RMST: variants seen among roughly 807,000 people sequenced by gnomAD.
The protein encoded by RMST is rhabdomyosarcoma 2 associated transcript.
chr12:97,516,182 A>G (rs1277286351), intron 10 of RMST, among the ~76,000 whole-genome samples: 1 of 151,988 alleles, frequency 6.6e-6, no homozygotes, highest in African/African-American at 2.4e-5. Flanking sequence ...GAAATCCTTT[A>G]TATTATTTTT....
intron 10 of RMST, among the ~76,000 whole-genome samples, chr12:97,507,000 G>A (rs770164664): frequency 2.0e-5 from 3 of 151,992 alleles, no homozygotes; most frequent in South Asian, 2.1e-4. Context: ...CATTCTAAGC[G>A]GAGAAGATAA....
chr12:97,502,032 A>G (rs1483947510), intron 10 of RMST, among the ~76,000 whole-genome samples: 1 of 152,154 alleles, frequency 6.6e-6, no homozygotes, highest in African/African-American at 2.4e-5. Flanking sequence ...AAGAGGTACT[A>G]GATTAGAAGA....
chr12:97,558,723 G>A (rs949050638), intron 11 of RMST, among the ~76,000 whole-genome samples: 1 of 152,044 alleles, frequency 6.6e-6, no homozygotes, highest in Non-Finnish European at 1.5e-5. Flanking sequence ...CACTCTTATA[G>A]TGATGCCTAA....
chr12:97,550,718 C>A (rs1479210457), intron 11 of RMST, among the ~76,000 whole-genome samples: 2 of 152,278 alleles, frequency 1.3e-5, no homozygotes, highest in East Asian at 3.9e-4. Context: ...AATCCCGTGC[C>A]ACTATGCATC....
At chr12:97,471,788 T>TG (rs1873950707) in intron 5 of RMST, among the ~76,000 whole-genome samples, 3 of 152,146 alleles carry the variant, frequency 2.0e-5, no homozygotes, top group Non-Finnish European at 4.4e-5. Flanking sequence ...AACATGCAGT[T>TG]GGAAAGGGAA....
At chr12:97,552,480 T>C (rs997952839) in intron 11 of RMST, among the ~76,000 whole-genome samples, 1 of 152,170 alleles carries the variant, frequency 6.6e-6, no homozygotes, top group Non-Finnish European at 1.5e-5. Flanking sequence ...TCTCCCTTGA[T>C]TGGGAATTGG....
intron 11 of RMST, chr12:97,533,083 T>C (rs1881801478): frequency 6.6e-6 from 1 of 151,876 alleles, no homozygotes; most frequent in South Asian, 2.1e-4. Context: ...AAAAGCATTC[T>C]GGTGGCAGAG....
At chr12:97,541,731 AAAAAG>A (rs1565936133) in intron 11 of RMST, among the ~76,000 whole-genome samples, 10 of 145,120 alleles carry the variant, frequency 6.9e-5, no homozygotes, top group African/African-American at 1.5e-4. Flanking sequence ...AAAAAAAAAG[AAAAAG>A]AAAAAGAAAA....
chr12:97,529,559 A>G (rs563300099), intron 10 of RMST, among the ~76,000 whole-genome samples: 1 of 148,112 alleles, frequency 6.8e-6, no homozygotes, highest in South Asian at 2.2e-4. Context: ...TTACTTTATG[A>G]TATAGAATTC....
At chr12:97,491,157 C>T (rs1446969220) in intron 5 of RMST, among the ~76,000 whole-genome samples, 1 of 152,188 alleles carries the variant, frequency 6.6e-6, no homozygotes, top group Non-Finnish European at 1.5e-5. Flanking sequence ...AGAGCATTCA[C>T]AGGGGTAAGA....
At position 97,563,921 on chromosome 12, in the gene RMST, A is replaced by G. The variant is rs776525564; in HGVS notation, n.1959-229A>G. On this transcript the variant is annotated intron_variant and non_coding_transcript_variant, in intron 13 of 13. Coordinates refer to ENST00000640149, the Ensembl canonical transcript of RMST. ...ACATTGTGAAAAATCATCAACTAAG[A>G]AGGGGCCATCAGTATAGAGAACGTT... 6.0e-5 allele frequency: 30 copies of G among 501,570 alleles called. 1 individual carries two copies. Among genetic ancestry groups the G allele is most frequent in the South Asian group, 4.4e-4 (30 of 67,912 alleles). The allele number at this position is 501,570 out of a possible 1,614,324, so 31.1% of individuals were successfully genotyped here.
chr12:97,474,415 A>C (rs961385216), intron 5 of RMST, among the ~76,000 whole-genome samples: 28 of 152,140 alleles, frequency 1.8e-4, no homozygotes, highest in Admixed American at 9.2e-4. Context: ...TTTCATTTTG[A>C]TAGCCATTTG....
At chr12:97,555,566 T>C (rs1232232661) in intron 11 of RMST, among the ~76,000 whole-genome samples, 3 of 152,186 alleles carry the variant, frequency 2.0e-5, no homozygotes, top group Admixed American at 6.5e-5. Context: ...CTCCGTGAAG[T>C]TGGTATAATT....
rs1287138881 is a variant in RMST at position 97,529,621 on chromosome 12, C to T, written n.1341-1034C>T. Among the ~76,000 whole-genome samples the T allele has an allele frequency of 5.3e-5, 8 of 152,120 alleles. No homozygotes were observed. In the East Asian group the frequency reaches 1.4e-3, roughly 26 times the overall value. Reference sequence around the variant, plus strand: ...TATTTTGTTGATACTCAGACATTTTCGTGGTAATTCTTTGGTAAAAATTGC... The same window carrying T: ...TATTTTGTTGATACTCAGACATTTTTGTGGTAATTCTTTGGTAAAAATTGC... On this transcript the variant is annotated intron_variant and non_coding_transcript_variant, in intron 10 of 13. Transcript: ENST00000640149.
intron 11 of RMST, among the ~76,000 whole-genome samples, chr12:97,557,031 T>C (rs1883755947): frequency 6.6e-6 from 1 of 152,168 alleles, no homozygotes; most frequent in African/African-American, 2.4e-5. Context: ...ACGTTTTTGG[T>C]CAAAGTTAAA....
intron 11 of RMST, among the ~76,000 whole-genome samples, chr12:97,539,921 G>A: frequency 6.6e-6 from 1 of 151,630 alleles, no homozygotes; most frequent in East Asian, 1.9e-4. Context: ...TAAATGAAGT[G>A]TGTGAATCTT....
intron 7 of RMST, chr12:97,493,828 C>G (rs945537099): frequency 3.3e-5 from 5 of 152,084 alleles, no homozygotes; most frequent in Non-Finnish European, 7.4e-5. Context: ...TTTCTTAAAG[C>G]TAAAAAACTA....
At chr12:97,518,862 C>G (rs12320414) in intron 10 of RMST, among the ~76,000 whole-genome samples, 3,463 of 152,126 alleles carry the variant, frequency 0.023, 123 homozygotes, top group African/African-American at 0.08. Flanking sequence ...TTCTCAAACT[C>G]TGGGCTCAAG....
rs148289504 is a variant in RMST at position 97,473,883 on chromosome 12, G to T, written n.644+8156G>T. On this transcript the variant is annotated intron_variant and non_coding_transcript_variant, in intron 5 of 13. Coordinates refer to ENST00000640149, the Ensembl canonical transcript of RMST. The stretch of plus-strand genomic sequence containing the variant: ...AAAAGCCTTGACATTTTTGCCCTTA[G>T]TTACCTGTGTGTTGAAAAGCAAAGG... Among the ~76,000 whole-genome samples the T allele has an allele frequency of 9.5e-4, 144 of 152,192 alleles. 1 individual carries two copies. The East Asian group carries it at 0.011, about 11-fold the overall frequency.
Sources: gnomAD v4.1 joint callset for allele counts (sites outside exome capture counted in the v4.1 genomes callset) on GRCh38, gnomAD v4.1.1 for gene constraint, MANE v1.5 for transcripts, NCBI Gene and HGNC (gene_info 2026-07-23, HGNC 2026-07-21) for gene names.